PROC: variants seen among roughly 807,000 people sequenced by gnomAD.
PROC encodes the protein protein C, inactivator of coagulation factors Va and VIIIa.
A neutral mutation model predicts 36.3 loss-of-function variants in PROC; 22 were observed. That is an observed-to-expected ratio of 0.61 (90% CI 0.43 to 0.86). PROC has a LOEUF of 0.86. Among genes scored for constraint, PROC ranks in the 40% least tolerant of loss-of-function variants. PROC has a pLI of 0.00. For synonymous variants in PROC, 218 were observed against 244.5 expected, an observed-to-expected ratio of 0.89 and a Z score of 1.01; for missense variants, 526 against 629.7, an observed-to-expected ratio of 0.84 and a Z score of 1.76.
intron 6 of PROC, among the ~76,000 whole-genome samples, chr2:127,425,340 G>C (rs536157367): frequency 1.3e-5 from 2 of 152,324 alleles, no homozygotes; most frequent in South Asian, 4.1e-4. Flanking sequence ...CAGCTCCCCT[G>C]CTGACGACGT....
intron 6 of PROC, among the ~76,000 whole-genome samples, chr2:127,423,838 G>A (rs745964273): frequency 6.6e-6 from 1 of 152,244 alleles, no homozygotes; most frequent in Non-Finnish European, 1.5e-5. Context: ...CTTCCTTGAG[G>A]AGAGAACAGA....
Position 127,428,466 on chromosome 2 carries a change from GCT to G in PROC, c.907_908del (p.Leu303AlafsTer69). On this transcript the variant is annotated frameshift_variant, in exon 9 of 9. Transcript: ENST00000234071. LOFTEE classifies it low-confidence loss of function (END_TRUNC). ...GCACCACCGACAATGACATCGCACT[GCT>G]GCACCTGGCCCAGCCCGCCACCCTC... ...KSTTDNDIAL[L>X]HLAQPATLSQ... 6.2e-7 allele frequency: 1 copy of G among 1,614,162 alleles called. No individual in the cohort carries two copies. The highest frequency in any genetic ancestry group is 8.5e-7 in the Non-Finnish European group (1 of 1,180,032).
intron 8 of PROC, 50 bp downstream of exon 8, chr2:127,427,272 G>A: frequency 6.6e-7 from 1 of 1,517,466 alleles, no homozygotes; most frequent in South Asian, 1.1e-5. Flanking sequence ...CTGGGTAGGG[G>A]GACCAGGCAG....
intron 2 of PROC, 111 bp from the exon 3 acceptor site, chr2:127,421,172 G>C (rs1222537149): frequency 3.2e-5 from 36 of 1,138,308 alleles, no homozygotes; most frequent in Non-Finnish European, 4.6e-5. Flanking sequence ...TGAGGGGGCG[G>C]AGACAAGACC....
chr2:127,426,547 A>G lies in PROC; in HGVS notation c.678+320A>G, dbSNP rs1348025308. The G allele has an allele frequency of 2.4e-6, 1 of 424,510 alleles. No homozygotes were observed. Among genetic ancestry groups the G allele is most frequent in the East Asian group, 5.0e-5 (1 of 20,086 alleles). 26.3% of individuals were successfully genotyped at this position (424,510 alleles called of 1,614,324 possible). On this transcript the variant is annotated intron_variant, in intron 7 of 8. Coordinates refer to ENST00000234071, the MANE Select transcript of PROC (RefSeq NM_000312.4). The surrounding 1 kb of genome is among the most constrained non-coding windows in gnomAD (Gnocchi z 7.0). ...GCCCTGCTGATGGGAGAGGGCTAGG[A>G]GGGAGGGCCGGGCCTGAGTACCCCT... is the stretch of plus-strand genomic sequence containing the variant.
rs1688506023 is a variant in PROC at position 127,426,445 on chromosome 2, G to C, written c.678+218G>C. 1.6e-6 allele frequency: 1 copy of C among 621,200 alleles called. No homozygotes were observed. The highest frequency in any genetic ancestry group is 2.8e-6 in the Non-Finnish European group (1 of 355,788). 38.5% of individuals were successfully genotyped at this position (621,200 alleles called of 1,614,324 possible). A position where few individuals can be genotyped will look rare whatever the true frequency, so the allele number is the denominator to read the frequency against. ...GGGGAGGGGCATGGGGGCATGGAGG[G>C]GTCTGCAGGAGGGAGGGTTACAGTT... On this transcript the variant is annotated intron_variant, in intron 7 of 8. Coordinates refer to ENST00000234071, the MANE Select transcript of PROC (RefSeq NM_000312.4). This position sits in a 1 kb window ranked among gnomAD's most constrained non-coding sequence, Gnocchi z 7.0.
At chr2:127,423,621 C>T in intron 6 of PROC, 1 of 653,402 alleles carries the variant, frequency 1.5e-6, no homozygotes, top group Non-Finnish European at 2.4e-6. Flanking sequence ...GCTTTCCCTG[C>T]TTCCTTTCTT....
rs755354438 is a variant in PROC at position 127,428,865 on chromosome 2, C to T, written c.1305C>T (p.Tyr435=). Residue 435 remains tyrosine, a synonymous_variant, in exon 9 of 9, where the codon TAC becomes TAT. Coordinates refer to ENST00000234071, the MANE Select transcript of PROC (RefSeq NM_000312.4). ...GGCTCCTTCACAACTACGGCGTTTA[C>T]ACCAAAGTCAGCCGCTACCTCGACT... is the stretch of plus-strand genomic sequence containing the variant. ...GCGLLHNYGV[Y]TKVSRYLDWI... 1.2e-6 allele frequency: 2 copies of T among 1,613,830 alleles called. No individual in the cohort carries two copies. Among genetic ancestry groups the T allele is most frequent in the South Asian group, 1.1e-5 (1 of 91,084 alleles).
rs1442985128 is a variant in PROC, at chr2:127,429,230, A to G, written c.*284A>G. Reference sequence around the variant, plus strand: ...CTCTGTTTATGAAAAAGAATAAAAAACACAACCACGAAGCCACTAGAGCCT... The same window carrying G: ...CTCTGTTTATGAAAAAGAATAAAAAGCACAACCACGAAGCCACTAGAGCCT... On this transcript the variant is annotated 3_prime_UTR_variant, in exon 9 of 9. Coordinates refer to ENST00000234071, the MANE Select transcript of PROC (RefSeq NM_000312.4). 2.4e-6 allele frequency: 1 copy of G among 413,500 alleles called. No homozygotes were observed. Among genetic ancestry groups the G allele is most frequent in the African/African-American group, 2.0e-5 (1 of 49,484 alleles). 25.6% of individuals were successfully genotyped at this position (413,500 alleles called of 1,614,324 possible).
rs1688558750 is a variant in PROC, at chr2:127,427,155, C to T, written c.729C>T (p.Ile243=). The T allele has an allele frequency of 3.1e-6, 5 of 1,613,698 alleles. No homozygotes were observed. Among genetic ancestry groups the T allele is most frequent in the Non-Finnish European group, 4.2e-6 (5 of 1,179,998 alleles). ...AGCTGGCCTGCGGGGCAGTGCTCAT[C>T]CACCCCTCCTGGGTGCTGACAGCGG... ...KKKLACGAVL[I]HPSWVLTAAH... Residue 243 remains isoleucine (I), a synonymous_variant, in exon 8 of 9, where the codon ATC becomes ATT. Transcript: ENST00000234071.
At position 127,423,416 on chromosome 2, in the gene PROC, G is replaced by A. The variant is rs1456008385; in HGVS notation, c.535+8G>A. The A allele has an allele frequency of 1.9e-6, 3 of 1,548,618 alleles. No homozygotes were observed. The highest frequency in any genetic ancestry group is 2.7e-5 in the African/African-American group (2 of 72,970). ...TGCAGTGTCACCCCGCAGGTGAGAA[G>A]CCCCCAATACATCGCCCAGGAATCA... On this transcript the variant is annotated splice_region_variant and intron_variant, in intron 6 of 8. Coordinates refer to ENST00000234071, the MANE Select transcript of PROC (RefSeq NM_000312.4).
Position 127,426,002 on chromosome 2 carries a change from C to T in PROC, c.536-83C>T. On this transcript the variant is annotated intron_variant, in intron 6 of 8. Transcript: ENST00000234071. This position sits in a 1 kb window ranked among gnomAD's most constrained non-coding sequence, Gnocchi z 7.0. ...AACCCTGCACTGTGGCAAAGTGGCC[C>T]ACAGGCTGGAGGAGGACCAAGACAG... The T allele has an allele frequency of 2.5e-6, 4 of 1,580,676 alleles. No individual in the cohort carries two copies. Among genetic ancestry groups the T allele is most frequent in the Non-Finnish European group, 2.6e-6 (3 of 1,152,370 alleles).
rs1385633742 is a variant in PROC at position 127,418,617 on chromosome 2, G to C, written c.-22+125G>C. On this transcript the variant is annotated intron_variant, in intron 1 of 8. Transcript: ENST00000234071. This position sits in a 1 kb window ranked among gnomAD's most constrained non-coding sequence, Gnocchi z 4.8. ...GGTGCTCAACAAGCCTGAGCTTGGG[G>C]TGAAAGGACACAAGGCCCTCCACAG... The C allele has an allele frequency of 4.5e-6, 4 of 895,696 alleles. No individual in the cohort carries two copies. The highest frequency in any genetic ancestry group is 6.3e-6 in the Non-Finnish European group (4 of 639,792). The allele number at this position is 895,696 out of a possible 1,614,324, so 55.5% of individuals were successfully genotyped here. A position where few individuals can be genotyped will look rare whatever the true frequency, so the allele number is the denominator to read the frequency against.
At chr2:127,424,916 G>C (rs924369644) in intron 6 of PROC, among the ~76,000 whole-genome samples, 4 of 152,090 alleles carry the variant, frequency 2.6e-5, no homozygotes, top group Non-Finnish European at 5.9e-5. Flanking sequence ...CATGGTGTTC[G>C]GCCCCTCAGA....
rs541709735 is a variant in PROC, at chr2:127,427,816, C to T, written c.797-541C>T. Among the ~76,000 whole-genome samples the T allele has an allele frequency of 2.0e-5, 3 of 152,322 alleles. No homozygotes were observed. In the East Asian group the frequency reaches 5.8e-4, roughly 29 times the overall value. On this transcript the variant is annotated intron_variant, in intron 8 of 8. Coordinates refer to ENST00000234071, the MANE Select transcript of PROC (RefSeq NM_000312.4). ...GCATAATCTATGGCCAGTGGCCCCCCGTGGGGCTTGGCTTAGAATTCCCAG... is the reference window on the plus strand; with the variant it reads ...GCATAATCTATGGCCAGTGGCCCCCTGTGGGGCTTGGCTTAGAATTCCCAG...
intron 8 of PROC, among the ~76,000 whole-genome samples, chr2:127,428,016 T>G (rs987986571): frequency 1.7e-4 from 26 of 152,336 alleles, no homozygotes; most frequent in African/African-American, 6.3e-4. Flanking sequence ...CTCTGGTCTG[T>G]GTCTGGGGTT....
chr2:127,424,295 A>G (rs974287473), intron 6 of PROC, among the ~76,000 whole-genome samples: 2 of 151,778 alleles, frequency 1.3e-5, no homozygotes, highest in African/African-American at 4.8e-5. Context: ...CGCCTCCTGG[A>G]TTCAAGCGAT....
At position 127,419,994 on chromosome 2, in the gene PROC, G is replaced by A. The variant is rs146793243; in HGVS notation, c.52G>A (p.Gly18Ser). The change falls in exon 2 of 9, where the codon GGC becomes AGC. Residue 18 changes from glycine to serine, a missense_variant. Physicochemically the swap from Gly to Ser is moderately conservative, Grantham distance 56. Transcript: ENST00000234071. ...LLFVATWGIS[G>S]TPAPLDSVFS... Reference sequence around the variant, plus strand: ...GTTCGTGGCCACCTGGGGAATTTCCGGCACACCAGCTCCTCTTGGTAAGGC... The same window carrying A: ...GTTCGTGGCCACCTGGGGAATTTCCAGCACACCAGCTCCTCTTGGTAAGGC... 1.2e-4 allele frequency: 189 copies of A among 1,613,608 alleles called. 2 individuals are homozygous for A. Among genetic ancestry groups the A allele is most frequent in the South Asian group, 4.7e-4 (43 of 91,052 alleles).
Position 127,426,007 on chromosome 2 carries a change from G to C in PROC, c.536-78G>C. On this transcript the variant is annotated intron_variant, in intron 6 of 8. Coordinates refer to ENST00000234071, the MANE Select transcript of PROC (RefSeq NM_000312.4). This position sits in a 1 kb window ranked among gnomAD's most constrained non-coding sequence, Gnocchi z 7.0. ...TGCACTGTGGCAAAGTGGCCCACAG[G>C]CTGGAGGAGGACCAAGACAGGAGGG... The C allele has an allele frequency of 6.3e-7, 1 of 1,591,350 alleles. No individual in the cohort carries two copies. Among genetic ancestry groups the C allele is most frequent in the Non-Finnish European group, 8.6e-7 (1 of 1,161,474 alleles).
Sources: allele counts gnomAD v4.1 joint callset (sites outside exome capture counted in the v4.1 genomes callset), GRCh38; gene constraint gnomAD v4.1.1; non-coding constraint Gnocchi (gnomAD v3.1); transcripts MANE v1.5; gene names NCBI Gene and HGNC (gene_info 2026-07-23, HGNC 2026-07-21).